Variants in GALK2 observed in about 807,000 individuals in gnomAD.
GALK2 encodes N-acetylgalactosamine kinase.
GALK2 carries 36 observed loss-of-function variants against 52.4 expected under a neutral mutation model. The observed-to-expected ratio is 0.69, with a 90% CI of 0.53 to 0.91. GALK2 has a LOEUF of 0.91. GALK2 is among the 40% of genes least tolerant of loss of function. The probability of loss-of-function intolerance (pLI) is 0.00; values close to 1 mark genes in which losing one functional copy is unlikely to be tolerated. For missense variants in GALK2, 579 were observed against 559.1 expected (o/e 1.04, Z -0.36); for synonymous variants, 176 against 199.1 (o/e 0.88, Z 0.98).
chr15:49,210,303 C>T (rs1566939820), intron 2 of GALK2, among the ~76,000 whole-genome samples: 1 of 151,684 alleles, frequency 6.6e-6, no homozygotes, highest in African/African-American at 2.4e-5. Flanking sequence ...TACTTCTGCT[C>T]TGATCTTTAT....
In GALK2 at chr15:49,225,261, A is replaced by G. The variant is rs11855665; in HGVS notation, c.266+7948A>G. 7.0e-3 allele frequency: 3,195 copies of G among 455,902 alleles called. 19 individuals carry two copies. The highest frequency in any genetic ancestry group is 0.011 in the Non-Finnish European group (2,569 of 226,734). 28.2% of individuals were successfully genotyped at this position (455,902 alleles called of 1,614,324 possible). A position where few individuals can be genotyped will look rare whatever the true frequency, so the allele number is the denominator to read the frequency against. On this transcript the variant is annotated intron_variant, in intron 3 of 9. Transcript: ENST00000560031. ...AGGCTATGACCTGCAGATAGGCCACACCATTCTTGGACTGGTCCTGTAGAG... is the reference window on the plus strand; with the variant it reads ...AGGCTATGACCTGCAGATAGGCCACGCCATTCTTGGACTGGTCCTGTAGAG...
chr15:49,322,376 A>G (rs1241248232), intron 9 of GALK2, among the ~76,000 whole-genome samples: 1 of 152,234 alleles, frequency 6.6e-6, no homozygotes, highest in Non-Finnish European at 1.5e-5. Flanking sequence ...TTGAAAGATT[A>G]TCTTCTGGCT....
intron 5 of GALK2, among the ~76,000 whole-genome samples, chr15:49,239,721 A>G (rs1023795444): frequency 6.6e-6 from 1 of 152,244 alleles, no homozygotes; most frequent in Non-Finnish European, 1.5e-5. Flanking sequence ...TTAAATTAAA[A>G]ATTTGACAAG....
chr15:49,231,261 G>T (rs2090486451), intron 3 of GALK2, among the ~76,000 whole-genome samples: 1 of 152,188 alleles, frequency 6.6e-6, no homozygotes, highest in Non-Finnish European at 1.5e-5. Flanking sequence ...TGGAGCAGGA[G>T]GCAGAGGGCT....
At chr15:49,310,088 A>G (rs2035868095) in intron 8 of GALK2, among the ~76,000 whole-genome samples, 1 of 152,050 alleles carries the variant, frequency 6.6e-6, no homozygotes, top group Admixed American at 6.6e-5. Context: ...CTTTACTTCC[A>G]TGAGCTCAGT....
At chr15:49,253,327 T>G (rs1053369683) in intron 5 of GALK2, among the ~76,000 whole-genome samples, 1 of 144,480 alleles carries the variant, frequency 6.9e-6, no homozygotes, top group Non-Finnish European at 1.6e-5. Flanking sequence ...GATCCCAGGG[T>G]TCTCTTGTCT....
At chr15:49,334,451 C>T (rs1314305809), downstream of GALK2, 1 of 153,882 alleles carries the variant, frequency 6.5e-6, no homozygotes, top group Non-Finnish European at 1.4e-5. Context: ...AAGAACCCCT[C>T]AGCACATTCC....
chr15:49,174,439 G>A (rs978326546), intron 1 of GALK2, among the ~76,000 whole-genome samples: 5 of 152,094 alleles, frequency 3.3e-5, no homozygotes, highest in Admixed American at 1.3e-4. Context: ...ACCACTTGCC[G>A]GGTTCAAGCA....
chr15:49,358,275 T>C (rs1159226784), intron 3 of GALK2, among the ~76,000 whole-genome samples: 2 of 141,594 alleles, frequency 1.4e-5, no homozygotes, highest in African/African-American at 5.3e-5. Flanking sequence ...GGTATTCAAT[T>C]AGGAAAAGAG....
chr15:49,276,665 A>G (rs2031717421), intron 5 of GALK2, among the ~76,000 whole-genome samples: 1 of 152,192 alleles, frequency 6.6e-6, no homozygotes, highest in African/African-American at 2.4e-5. Flanking sequence ...ACTCACTCAC[A>G]TGTCTCCCTC....
chr15:49,332,747 A>G (rs915039526), downstream of GALK2, among the ~76,000 whole-genome samples: 16 of 152,196 alleles, frequency 1.1e-4, no homozygotes, highest in African/African-American at 3.9e-4. Flanking sequence ...TCCCAAATAC[A>G]TGTTGCTGAA....
chr15:49,323,493 T>C (rs2037070210), intron 9 of GALK2, among the ~76,000 whole-genome samples: 1 of 152,190 alleles, frequency 6.6e-6, no homozygotes, highest in Non-Finnish European at 1.5e-5. Flanking sequence ...GGTCCACTTA[T>C]GGCACTTCAA....
chr15:49,239,558 A>G (rs185185062), intron 5 of GALK2, among the ~76,000 whole-genome samples, 191 bp downstream of exon 5: 2 of 152,380 alleles, frequency 1.3e-5, no homozygotes, highest in East Asian at 3.9e-4. Context: ...ACAGTGAGTG[A>G]ATAGATCTGT....
intron 1 of GALK2, among the ~76,000 whole-genome samples, chr15:49,190,274 T>C (rs2086639143): frequency 6.6e-6 from 1 of 152,222 alleles, no homozygotes; most frequent in Non-Finnish European, 1.5e-5. Flanking sequence ...ATAAAACTGA[T>C]AGCAATGCAA....
At chr15:49,203,300 C>G (rs1227365684) in intron 2 of GALK2, among the ~76,000 whole-genome samples, 1 of 152,148 alleles carries the variant, frequency 6.6e-6, no homozygotes, top group African/African-American at 2.4e-5. Flanking sequence ...ATCTGCCCAC[C>G]TTGGCCTCCC....
rs888977239 is a variant in GALK2, at chr15:49,328,897, T to C, written c.*738T>C. 8.0e-7 allele frequency: 1 copy of C among 1,254,248 alleles called. No homozygotes were observed. The highest frequency in any genetic ancestry group is 2.9e-5 in the East Asian group (1 of 34,410). 77.7% of individuals were successfully genotyped at this position (1,254,248 alleles called of 1,614,324 possible). On this transcript the variant is annotated 3_prime_UTR_variant, in exon 10 of 10. Coordinates refer to ENST00000560031, the MANE Select transcript of GALK2 (RefSeq NM_002044.4). ...TCTTTTGGCCCTGAGCTATCTCCAT[T>C]ACTTAATAGAAAAACTTAGATAAAA...
intron 3 of GALK2, among the ~76,000 whole-genome samples, chr15:49,219,287 C>T (rs2089620908): frequency 6.6e-6 from 1 of 152,140 alleles, no homozygotes; most frequent in Admixed American, 6.5e-5. Flanking sequence ...GAATAAGTCT[C>T]ATGAGATCTG....
At chr15:49,353,438 T>A (rs1318980875) in intron 3 of GALK2, 2 of 152,324 alleles carry the variant, frequency 1.3e-5, no homozygotes, top group South Asian at 2.1e-4. Context: ...AGAGGAAGTC[T>A]TTTATCTCTA....
chr15:49,333,457 A>G (rs991472229), downstream of GALK2, among the ~76,000 whole-genome samples: 1 of 152,202 alleles, frequency 6.6e-6, no homozygotes, highest in African/African-American at 2.4e-5. Context: ...ATTCTTCTGC[A>G]TATTCTCAGT....
Sources: allele counts gnomAD v4.1 joint callset (sites outside exome capture counted in the v4.1 genomes callset), GRCh38; gene constraint gnomAD v4.1.1; transcripts MANE v1.5; gene names NCBI Gene and HGNC (gene_info 2026-07-23, HGNC 2026-07-21).